The following ADAM10 variants were observed in gnomAD, a reference collection of about 807,000 sequenced individuals.
ADAM10 encodes the protein ADAM metallopeptidase domain 10, also known as disintegrin and metalloproteinase domain-containing protein 10.
ADAM10 carries 17 observed loss-of-function variants against 90.1 expected under a neutral mutation model. The observed-to-expected ratio is 0.19, with a 90% CI of 0.13 to 0.28. The LOEUF (loss-of-function observed/expected upper bound fraction) is 0.28, where lower values mean the gene tolerates loss of function less well. Ranked by LOEUF, ADAM10 falls within the 10% of genes least tolerant of loss-of-function variation. The probability of loss-of-function intolerance (pLI) is 1.00; values close to 1 mark genes in which losing one functional copy is unlikely to be tolerated. For synonymous variants in ADAM10, 310 were observed against 298.6 expected (o/e 1.04, Z -0.40); for missense variants, 610 against 914.3 (o/e 0.67, Z 4.29).
intron 4 of ADAM10, among the ~76,000 whole-genome samples, chr15:58,675,632 T>G (rs1443427029): frequency 6.6e-6 from 1 of 152,208 alleles, no homozygotes; most frequent in South Asian, 2.1e-4. Flanking sequence ...TAAATAAGTA[T>G]GCATTTTAAG....
intron 2 of ADAM10, chr15:58,690,978 T>G (rs1230960082): frequency 3.6e-5 from 17 of 469,398 alleles, no homozygotes; most frequent in African/African-American, 2.8e-4. Context: ...CTCAGCCTTC[T>G]GCTGTAGTGT....
chr15:58,670,924 T>G (rs1897177074), intron 4 of ADAM10, among the ~76,000 whole-genome samples: 1 of 152,094 alleles, frequency 6.6e-6, no homozygotes, highest in South Asian at 2.1e-4. Flanking sequence ...AGCACCATGA[T>G]CTAACACCCT....
intron 11 of ADAM10, among the ~76,000 whole-genome samples, chr15:58,614,649 C>A (rs1895550191): frequency 6.6e-6 from 1 of 152,070 alleles, no homozygotes; most frequent in Non-Finnish European, 1.5e-5. Flanking sequence ...CAAAACTAAC[C>A]TTCAGAAATG....
intron 4 of ADAM10, among the ~76,000 whole-genome samples, chr15:58,673,555 A>G (rs1897245971): frequency 6.7e-6 from 1 of 150,140 alleles, no homozygotes; most frequent in Admixed American, 6.6e-5. Context: ...ATATACATGT[A>G]TACATATACA....
intron 14 of ADAM10, 176 bp downstream of exon 14, chr15:58,610,121 C>G (rs1895397683): frequency 1.5e-6 from 1 of 676,570 alleles, no homozygotes; most frequent in Non-Finnish European, 2.6e-6. Context: ...ACACATGATT[C>G]TGATCACTTC....
intron 1 of ADAM10, among the ~76,000 whole-genome samples, chr15:58,733,713 T>C (rs1057285739): frequency 1.3e-5 from 2 of 152,000 alleles, no homozygotes; most frequent in African/African-American, 2.4e-5. Flanking sequence ...TCCAAAAATA[T>C]TCTTTATTTT....
Position 58,679,236 on chromosome 15 carries a change from A to C in ADAM10, c.372T>G (p.Phe124Leu). 6.2e-7 allele frequency: 1 copy of C among 1,614,076 alleles called. No individual in the cohort carries two copies. The highest frequency in any genetic ancestry group is 8.5e-7 in the Non-Finnish European group (1 of 1,179,996). ...FSHGSVIDGR[F>L]EGFIQTRGGT... ...CACCACGAGTCTGGATGAATCCTTC[A>C]AATCTTCCATCAATAACAGACCCAT... Residue 124 changes from phenylalanine to leucine, a missense_variant, in exon 4 of 16, where the codon TTT becomes TTG. By Grantham distance (22) the Phe-to-Leu change is conservative. Transcript: ENST00000260408.
At chr15:58,618,529 T>G (rs537793711) in intron 11 of ADAM10, among the ~76,000 whole-genome samples, 17 of 152,210 alleles carry the variant, frequency 1.1e-4, no homozygotes, top group African/African-American at 4.1e-4. Context: ...TTACACACAC[T>G]AAAAAGCTTC....
chr15:58,712,002 T>C (rs1898488974), intron 2 of ADAM10, among the ~76,000 whole-genome samples: 1 of 152,110 alleles, frequency 6.6e-6, no homozygotes, highest in Non-Finnish European at 1.5e-5. Flanking sequence ...AATATATATA[T>C]ACATACAACG....
chr15:58,609,264 T>C (rs1344738349), intron 14 of ADAM10: 1 of 152,158 alleles, frequency 6.6e-6, no homozygotes, highest in African/African-American at 2.4e-5. Flanking sequence ...AGTCAACTGC[T>C]CAAGTATTTG....
At chr15:58,705,370 T>C (rs1353016418) in intron 2 of ADAM10, among the ~76,000 whole-genome samples, 1 of 152,180 alleles carries the variant, frequency 6.6e-6, no homozygotes, top group African/African-American at 2.4e-5. Context: ...AGCGGTTCTA[T>C]TATGATTCTT....
chr15:58,703,002 T>A (rs1282797973), intron 2 of ADAM10, among the ~76,000 whole-genome samples: 1 of 152,208 alleles, frequency 6.6e-6, no homozygotes, highest in Non-Finnish European at 1.5e-5. Context: ...TCTACTACAA[T>A]CTGTTTGACA....
In ADAM10 at chr15:58,611,667, T is replaced by C. The variant is rs377569680; in HGVS notation, c.1695+141A>G. On this transcript the variant is annotated intron_variant, in intron 12 of 15. Coordinates refer to ENST00000260408, the MANE Select transcript of ADAM10 (RefSeq NM_001110.4). ...GTAGCTAATTGAATGCCACATAATA[T>C]ATTCATGGTTTTGTGAGGGAATATT... 26 of 755,178 alleles carry C rather than the reference T, an allele frequency of 3.4e-5. No homozygotes were observed. In the African/African-American group the frequency reaches 4.1e-4, roughly 12 times the overall value. 46.8% of individuals were successfully genotyped at this position (755,178 alleles called of 1,614,324 possible). A position where few individuals can be genotyped will look rare whatever the true frequency, so the allele number is the denominator to read the frequency against.
chr15:58,659,254 C>T (rs1376537443), intron 5 of ADAM10, among the ~76,000 whole-genome samples: 1 of 150,998 alleles, frequency 6.6e-6, no homozygotes, highest in Non-Finnish European at 1.5e-5. Flanking sequence ...GCCTGGGAGA[C>T]AGAGCGAGAA....
intron 5 of ADAM10, among the ~76,000 whole-genome samples, chr15:58,654,092 T>C (rs1488493954): frequency 6.6e-6 from 1 of 151,240 alleles, no homozygotes; most frequent in Non-Finnish European, 1.5e-5. Context: ...ATTTAGGTCT[T>C]TTTTTTTTCT....
rs763299842 is a variant in ADAM10 at position 58,590,061 on chromosome 15, C to A, written c.*7486G>T. 1 of 152,170 alleles carries A rather than the reference C, an allele frequency of 6.6e-6. No homozygotes were observed. The highest frequency in any genetic ancestry group is 2.4e-5 in the African/African-American group (1 of 41,448). The allele number at this position is 152,170 out of a possible 1,614,324, so 9.4% of individuals were successfully genotyped here. On this transcript the variant is annotated 3_prime_UTR_variant, in exon 16 of 16. Coordinates refer to ENST00000260408, the MANE Select transcript of ADAM10 (RefSeq NM_001110.4). ...TATCAGTGCCCAGTATATAACCAAT[C>A]GACATTATTAAAAATTCTATGTAAT...
At chr15:58,670,349 T>A (rs905436727) in intron 4 of ADAM10, among the ~76,000 whole-genome samples, 7 of 152,168 alleles carry the variant, frequency 4.6e-5, no homozygotes, top group Admixed American at 6.5e-5. Flanking sequence ...TGGCAATATG[T>A]ATCAAAATGC....
At chr15:58,650,141 A>G (rs900896818) in intron 5 of ADAM10, among the ~76,000 whole-genome samples, 24 of 152,178 alleles carry the variant, frequency 1.6e-4, no homozygotes, top group African/African-American at 5.1e-4. Flanking sequence ...ACTTGAATAT[A>G]TTAAAGTCTG....
At chr15:58,661,160 C>A (rs1158234961) in intron 5 of ADAM10, among the ~76,000 whole-genome samples, 11 of 152,084 alleles carry the variant, frequency 7.2e-5, no homozygotes, top group Admixed American at 7.2e-4. Context: ...TCCATTATAC[C>A]TTATTATTTG....
Sources: allele counts gnomAD v4.1 joint callset (sites outside exome capture counted in the v4.1 genomes callset), GRCh38; gene constraint gnomAD v4.1.1; transcripts MANE v1.5; gene names NCBI Gene and HGNC (gene_info 2026-07-23, HGNC 2026-07-21).